The following AGO3 variants were observed in gnomAD, a reference collection of about 807,000 sequenced individuals.
AGO3 encodes the protein argonaute RISC catalytic component 3.
Under a neutral mutation model 105.5 loss-of-function variants are expected in AGO3, and 16 were observed. The observed-to-expected ratio is 0.15, with a 90% confidence interval of 0.10 to 0.23. AGO3 has a LOEUF of 0.23. AGO3 is among the 10% of genes least tolerant of loss of function. The probability of loss-of-function intolerance (pLI) is 1.00; values close to 1 mark genes in which losing one functional copy is unlikely to be tolerated. For synonymous variants in AGO3, 340 were observed against 367.3 expected (o/e 0.93, Z 0.85); for missense variants, 534 against 1,088.0 (o/e 0.49, Z 7.16).
At chr1:36,000,829 C>A (rs1640048972) in intron 5 of AGO3, among the ~76,000 whole-genome samples, 1 of 151,192 alleles carries the variant, frequency 6.6e-6, no homozygotes, top group South Asian at 2.1e-4. Context: ...AATACTGTTA[C>A]AATCTTAACA....
At chr1:36,019,637 A>G (rs1375907117) in intron 11 of AGO3, among the ~76,000 whole-genome samples, 1 of 152,260 alleles carries the variant, frequency 6.6e-6, no homozygotes, top group Non-Finnish European at 1.5e-5. Context: ...AAGTGTTCAG[A>G]TGTAGCAGAA....
At chr1:35,958,620 T>C (rs1488965502) in intron 2 of AGO3, among the ~76,000 whole-genome samples, 3 of 149,868 alleles carry the variant, frequency 2.0e-5, no homozygotes, top group African/African-American at 7.4e-5. Flanking sequence ...ACCACTGCGC[T>C]CCAGCCTGGG....
intron 12 of AGO3, among the ~76,000 whole-genome samples, chr1:36,032,684 A>G (rs539856390): frequency 2.0e-5 from 3 of 150,110 alleles, no homozygotes; most frequent in South Asian, 2.3e-4. Flanking sequence ...CCATTTTTCT[A>G]TGTTTTTTAT....
At chr1:35,974,515 A>G (rs7543810) in intron 5 of AGO3, among the ~76,000 whole-genome samples, 7,655 of 152,204 alleles carry the variant, frequency 0.05, 635 homozygotes, top group African/African-American at 0.17. Flanking sequence ...TAGAAGTTTC[A>G]TTCCATTCTG....
chr1:35,944,174 A>G (rs1455136409), intron 1 of AGO3, among the ~76,000 whole-genome samples: 2 of 152,092 alleles, frequency 1.3e-5, no homozygotes, highest in East Asian at 3.9e-4. Flanking sequence ...ACTGTTTTTC[A>G]AAGTGAGTGT....
chr1:36,005,148 C>A (rs979490885), intron 6 of AGO3, among the ~76,000 whole-genome samples: 1 of 152,074 alleles, frequency 6.6e-6, no homozygotes, highest in Non-Finnish European at 1.5e-5. Context: ...GTCTGATACT[C>A]CCTAATCAGA....
chr1:35,944,128 G>A (rs1012109225), intron 1 of AGO3, among the ~76,000 whole-genome samples: 5 of 152,042 alleles, frequency 3.3e-5, no homozygotes, highest in African/African-American at 1.2e-4. Flanking sequence ...TAGATCACAT[G>A]GCAATTCTGT....
chr1:35,978,241 G>A (rs953156797), intron 5 of AGO3, among the ~76,000 whole-genome samples: 3 of 152,176 alleles, frequency 2.0e-5, no homozygotes, highest in Non-Finnish European at 4.4e-5. Context: ...CCAGGCTGGA[G>A]TGTAGTGGCT....
intron 2 of AGO3, among the ~76,000 whole-genome samples, chr1:35,960,966 T>G (rs1170434838): frequency 1.3e-5 from 2 of 151,206 alleles, no homozygotes; most frequent in Non-Finnish European, 2.9e-5. Context: ...TTTTTTGAGA[T>G]GGAGTCTCGC....
intron 3 of AGO3, 113 bp downstream of exon 3, chr1:35,967,188 TG>T (rs1646789287): frequency 7.6e-7 from 1 of 1,323,590 alleles, no homozygotes; most frequent in Non-Finnish European, 1.0e-6. Flanking sequence ...TATCACTGAT[TG>T]TTTTTAACTT....
At position 35,945,804 on chromosome 1, in the gene AGO3, T is replaced by C; in HGVS notation, c.132T>C (p.Ile44=). 1 of 1,613,850 alleles carries C rather than the reference T, an allele frequency of 6.2e-7. No individual in the cohort carries two copies. Among genetic ancestry groups the C allele is most frequent in the Non-Finnish European group, 8.5e-7 (1 of 1,180,002 alleles). Reference sequence around the variant, plus strand: ...GTTTTCAAGTTGAAATCCCAAAGATTGATGTCTACCTCTATGAGGTAGATA... The same window carrying C: ...GTTTTCAAGTTGAAATCCCAAAGATCGATGTCTACCTCTATGAGGTAGATA... ...ANCFQVEIPK[I]DVYLYEVDIK... is the part of the protein sequence containing the mutation. Residue 44 remains isoleucine (I), a synonymous_variant, in exon 2 of 19, where the codon ATT becomes ATC. Transcript: ENST00000373191.
At chr1:35,940,754 T>C (rs561066406) in intron 1 of AGO3, among the ~76,000 whole-genome samples, 2 of 152,314 alleles carry the variant, frequency 1.3e-5, no homozygotes, top group South Asian at 4.1e-4. Context: ...TCTAATGACA[T>C]TTTCTTCTTG....
At chr1:35,935,161 T>C (rs1183119904) in intron 1 of AGO3, among the ~76,000 whole-genome samples, 1 of 152,118 alleles carries the variant, frequency 6.6e-6, no homozygotes, top group Admixed American at 6.6e-5. Context: ...CTTATAAAAA[T>C]GTGCAAGATT....
At position 35,965,254 on chromosome 1, in the gene AGO3, G is replaced by A. The variant is rs112770641; in HGVS notation, c.192-1701G>A. 1.4e-3 allele frequency among the ~76,000 whole-genome samples: 208 copies of A among 152,116 alleles called. 2 individuals are homozygous for A. The highest frequency in any genetic ancestry group is 4.5e-3 in the African/African-American group (187 of 41,514). On this transcript the variant is annotated intron_variant, in intron 2 of 18. Transcript: ENST00000373191. The stretch of plus-strand genomic sequence containing the variant: ...TGCCTCTAATCCCAGCACTTTAGGA[G>A]GCCGAGGCGGGCGGATCACCAGGTC...
intron 5 of AGO3, among the ~76,000 whole-genome samples, chr1:35,987,766 TAAAA>T (rs764099307): frequency 7.2e-6 from 1 of 138,188 alleles, no homozygotes; most frequent in Non-Finnish European, 1.6e-5. Context: ...TAAGATTGAT[TAAAA>T]AAAAAAAAAG....
intron 11 of AGO3, among the ~76,000 whole-genome samples, chr1:36,016,626 T>TCA (rs1640918231): frequency 6.6e-6 from 1 of 152,100 alleles, no homozygotes; most frequent in South Asian, 2.1e-4. Context: ...GGCATTGATG[T>TCA]CAGTCACCAT....
At chr1:35,965,814 A>ATC (rs201038577) in intron 2 of AGO3, among the ~76,000 whole-genome samples, 5,757 of 142,904 alleles carry the variant, frequency 0.04, 423 homozygotes, top group African/African-American at 0.14. Flanking sequence ...GTAGACTTGA[A>ATC]TCTCTCTTTT....
chr1:35,949,863 A>T (rs916014323), intron 2 of AGO3, among the ~76,000 whole-genome samples: 16 of 152,036 alleles, frequency 1.1e-4, no homozygotes, highest in Non-Finnish European at 2.1e-4. Flanking sequence ...AGCTCAAGTG[A>T]TCCTCCCAAA....
intron 5 of AGO3, chr1:35,982,731 C>T: frequency 1.4e-6 from 1 of 701,440 alleles, no homozygotes; most frequent in South Asian, 1.5e-5. Flanking sequence ...TGGTGATGGT[C>T]TAATGTGGGA....
Sources: gnomAD v4.1 joint callset for allele counts (sites outside exome capture counted in the v4.1 genomes callset) on GRCh38, gnomAD v4.1.1 for gene constraint, MANE v1.5 for transcripts, NCBI Gene and HGNC (gene_info 2026-07-23, HGNC 2026-07-21) for gene names.